The following TNR variants were observed in gnomAD, a reference collection of about 807,000 sequenced individuals.
The protein encoded by TNR is tenascin-R.
A neutral mutation model predicts 150.4 loss-of-function variants in TNR; 45 were observed. That is an observed-to-expected ratio of 0.30 (90% CI 0.24 to 0.38). The LOEUF is 0.38. Ranked by LOEUF, TNR falls within the 10% of genes least tolerant of loss-of-function variation. The probability of loss-of-function intolerance (pLI) is 1.00; values close to 1 mark genes in which losing one functional copy is unlikely to be tolerated. For synonymous variants in TNR, 687 were observed against 678.4 expected, an observed-to-expected ratio of 1.01 and a Z score of -0.20; for missense variants, 1,544 against 1,759.1, an observed-to-expected ratio of 0.88 and a Z score of 2.19.
At chr1:175,591,148 T>C (rs1420369275) in intron 1 of TNR, among the ~76,000 whole-genome samples, 1 of 152,216 alleles carries the variant, frequency 6.6e-6, no homozygotes, top group African/African-American at 2.4e-5. Context: ...CTGATGTGTG[T>C]GTCTGCATCT....
chr1:175,623,162 T>C (rs890264885), intron 1 of TNR, among the ~76,000 whole-genome samples: 7 of 152,218 alleles, frequency 4.6e-5, no homozygotes, highest in African/African-American at 1.7e-4. Context: ...TTCTAAAGGA[T>C]CAATTGACCT....
At chr1:175,664,659 C>T (rs769391268) in intron 1 of TNR, among the ~76,000 whole-genome samples, 2 of 152,154 alleles carry the variant, frequency 1.3e-5, no homozygotes, top group Non-Finnish European at 2.9e-5. Context: ...ACATACTGTC[C>T]GTTCCAATGA....
At chr1:175,695,519 G>A (rs992334475) in intron 1 of TNR, among the ~76,000 whole-genome samples, 1 of 152,202 alleles carries the variant, frequency 6.6e-6, no homozygotes, top group African/African-American at 2.4e-5. Flanking sequence ...TAGATAATTA[G>A]TACGGTTTGA....
Position 175,406,302 on chromosome 1 carries a change from A to G in TNR, c.413T>C (p.Leu138Pro). ...ASSAQVLQEL[L>P]SRIEMLEREV... ...CCTCTCCAGCATCTCGATCCGGCTC[A>G]GCAGCTCCTGCAGCACCTGGGCTGA... Residue 138 changes from leucine (L) to proline (P), a missense_variant, in exon 3 of 23, where the codon CTG becomes CCG. This residue lies in a region of TNR where 1,254 missense variants were observed against 1,329.4 expected (regional missense o/e 0.94). Coordinates refer to ENST00000367674, the MANE Select transcript of TNR (RefSeq NM_003285.3). 6.2e-7 allele frequency: 1 copy of G among 1,614,116 alleles called. No individual in the cohort carries two copies. The highest frequency in any genetic ancestry group is 8.5e-7 in the Non-Finnish European group (1 of 1,180,008).
intron 2 of TNR, among the ~76,000 whole-genome samples, chr1:175,516,311 T>C (rs1189984046): frequency 1.3e-5 from 2 of 152,166 alleles, no homozygotes; most frequent in African/African-American, 4.8e-5. Context: ...CCTTTGCAAA[T>C]GAGGCAAGGT....
chr1:175,700,408 T>G (rs1174287220), intron 1 of TNR, among the ~76,000 whole-genome samples: 1 of 152,216 alleles, frequency 6.6e-6, no homozygotes, highest in East Asian at 1.9e-4. Context: ...TCACTGCTCT[T>G]AAATTCACTA....
At chr1:175,650,445 A>G (rs1664926062) in intron 1 of TNR, among the ~76,000 whole-genome samples, 3 of 151,922 alleles carry the variant, frequency 2.0e-5, no homozygotes, top group Admixed American at 2.0e-4. Flanking sequence ...TGAGTTGACC[A>G]TCTTATAACC....
At chr1:175,437,700 C>T (rs1186010528) in intron 2 of TNR, among the ~76,000 whole-genome samples, 2 of 152,134 alleles carry the variant, frequency 1.3e-5, no homozygotes, top group African/African-American at 4.8e-5. Flanking sequence ...GAGGATATCA[C>T]CACTGATCCC....
chr1:175,540,308 C>A (rs1449851639), intron 1 of TNR, among the ~76,000 whole-genome samples: 2 of 152,184 alleles, frequency 1.3e-5, no homozygotes, highest in African/African-American at 4.8e-5. Flanking sequence ...TGATCACACT[C>A]CCAGAGAATC....
rs1167656725 is a variant in TNR, at chr1:175,406,535, C to G, written c.180G>C (p.Glu60Asp). Reference protein sequence around the residue: ...GIANYNTSSKEQPVVFNHVYN... With the variant: ...GIANYNTSSKDQPVVFNHVYN... ...ACACGTGGTTGAAGACCACAGGCTG[C>G]TCTTTGCTGGATGTGTTGTAGTTGG... The change falls in exon 3 of 23, where the codon GAG becomes GAC. Residue 60 changes from glutamate (E) to aspartate (D), a missense_variant. Around this residue, in one of 2 missense-constraint regions of TNR, gnomAD observed 1,254 missense variants for 1,329.4 expected, o/e 0.94. Coordinates refer to ENST00000367674, the MANE Select transcript of TNR (RefSeq NM_003285.3). 3 of 1,614,216 alleles carry G rather than the reference C, an allele frequency of 1.9e-6. No homozygotes were observed. Among genetic ancestry groups the G allele is most frequent in the Non-Finnish European group, 2.5e-6 (3 of 1,180,050 alleles).
intron 1 of TNR, among the ~76,000 whole-genome samples, chr1:175,588,105 C>A (rs1662647838): frequency 6.6e-6 from 1 of 152,120 alleles, no homozygotes; most frequent in African/African-American, 2.4e-5. Context: ...TTGGATATGA[C>A]CAAAGGTGGG....
chr1:175,405,618 AGTGTGTGTGTGTGTGT>A (rs60670165), intron 3 of TNR, among the ~76,000 whole-genome samples: 1 of 150,090 alleles, frequency 6.7e-6, no homozygotes, highest in Non-Finnish European at 1.5e-5. Context: ...TGTGTGTGAG[AGTGTGTGTGTGTGTGT>A]GTGTGTGTGT....
At chr1:175,356,592 CTAGCTTAGT>C in intron 15 of TNR, 130 bp from the exon 16 acceptor site, 3 of 1,073,884 alleles carry the variant, frequency 2.8e-6, no homozygotes, top group Non-Finnish European at 4.0e-6. Context: ...CATAGGTTAT[CTAGCTTAGT>C]ATCTTACTCT....
At chr1:175,334,330 T>A (rs76969725) in intron 20 of TNR, among the ~76,000 whole-genome samples, 2,144 of 152,248 alleles carry the variant, frequency 0.014, 27 homozygotes, top group Non-Finnish European at 0.021. Context: ...ATGATAATAG[T>A]CCTCCCTGAA....
At chr1:175,592,265 C>T (rs891916374) in intron 1 of TNR, among the ~76,000 whole-genome samples, 2 of 152,204 alleles carry the variant, frequency 1.3e-5, no homozygotes, top group African/African-American at 4.8e-5. Flanking sequence ...GTTATTATCA[C>T]GTTTATTACA....
chr1:175,519,914 T>C (rs1014910542), intron 2 of TNR, among the ~76,000 whole-genome samples: 1 of 152,214 alleles, frequency 6.6e-6, no homozygotes, highest in African/African-American at 2.4e-5. Flanking sequence ...AGGGTAGTGC[T>C]TGTGTGAAGG....
chr1:175,415,587 C>T (rs1255447915), intron 2 of TNR, among the ~76,000 whole-genome samples: 2 of 152,024 alleles, frequency 1.3e-5, no homozygotes, highest in African/African-American at 4.8e-5. Flanking sequence ...CTAATGGATC[C>T]ACACTCATTT....
At chr1:175,495,576 C>T (rs1220292379) in intron 2 of TNR, among the ~76,000 whole-genome samples, 2 of 152,222 alleles carry the variant, frequency 1.3e-5, no homozygotes, top group African/African-American at 4.8e-5. Context: ...ATAATACCCC[C>T]ACTGTACCCC....
At chr1:175,330,908 A>G (rs532328390) in intron 20 of TNR, among the ~76,000 whole-genome samples, 2 of 152,274 alleles carry the variant, frequency 1.3e-5, no homozygotes, top group East Asian at 3.9e-4. Flanking sequence ...CTTTGCCTCT[A>G]AACTTCCCAG....
Sources: gnomAD v4.1 joint callset for allele counts (sites outside exome capture counted in the v4.1 genomes callset) on GRCh38, gnomAD v4.1.1 for gene constraint, gnomAD v4.1.1 regional missense constraint, MANE v1.5 for transcripts, NCBI Gene and HGNC (gene_info 2026-07-23, HGNC 2026-07-21) for gene names.